WWOX: variants seen among roughly 807,000 people sequenced by gnomAD.
The protein encoded by WWOX is WW domain-containing oxidoreductase.
WWOX carries 69 observed loss-of-function variants against 46.2 expected under a neutral mutation model. The observed-to-expected ratio is 1.49, with a 90% CI of 1.23 to 1.82. The LOEUF (loss-of-function observed/expected upper bound fraction) is 1.82. Ranked by LOEUF, WWOX falls within the 40% of genes most tolerant of loss-of-function variation. The pLI is 0.00. For missense variants in WWOX, 919 were observed against 542.6 expected (o/e 1.69, Z -6.89); for synonymous variants, 359 against 202.6 (o/e 1.77, Z -6.56).
intron 8 of WWOX, among the ~76,000 whole-genome samples, chr16:78,632,758 A>T (rs191686748): frequency 7.3e-5 from 11 of 151,376 alleles, no homozygotes; most frequent in African/African-American, 2.4e-4. Flanking sequence ...GGATTTCTCC[A>T]TGTTGGTCAG....
intron 8 of WWOX, among the ~76,000 whole-genome samples, chr16:78,719,977 A>T (rs2048653114): frequency 6.6e-6 from 1 of 152,204 alleles, no homozygotes; most frequent in Non-Finnish European, 1.5e-5. Context: ...ATTCAATTTA[A>T]AGTGGAAGGT....
At chr16:78,707,154 G>C (rs928135176) in intron 8 of WWOX, among the ~76,000 whole-genome samples, 2 of 152,166 alleles carry the variant, frequency 1.3e-5, no homozygotes, top group African/African-American at 4.8e-5. Context: ...AATAATCTTA[G>C]TGTTAAAGGG....
chr16:79,099,712 C>A (rs1204616375), intron 8 of WWOX, among the ~76,000 whole-genome samples: 1 of 152,026 alleles, frequency 6.6e-6, no homozygotes, highest in African/African-American at 2.4e-5. Context: ...CCGAAAATAA[C>A]ATGAACTTTT....
At chr16:78,702,046 AAAT>A (rs2048232613) in intron 8 of WWOX, among the ~76,000 whole-genome samples, 11 of 91,412 alleles carry the variant, frequency 1.2e-4, no homozygotes, top group African/African-American at 5.2e-4. Context: ...TATATATATA[AAAT>A]AATGCAGAAG....
chr16:78,479,337 C>G (rs544874344), intron 8 of WWOX, among the ~76,000 whole-genome samples: 4 of 152,146 alleles, frequency 2.6e-5, no homozygotes, highest in Non-Finnish European at 5.9e-5. Context: ...AAAACATATG[C>G]AAATAATTTT....
chr16:78,439,849 C>T (rs1331131604), intron 8 of WWOX, among the ~76,000 whole-genome samples: 3 of 152,182 alleles, frequency 2.0e-5, no homozygotes, highest in Non-Finnish European at 2.9e-5. Context: ...AAGATGGCTT[C>T]TGTGGTGCCA....
chr16:78,316,267 C>T (rs1032251622), intron 5 of WWOX, among the ~76,000 whole-genome samples: 2 of 152,118 alleles, frequency 1.3e-5, no homozygotes, highest in African/African-American at 4.8e-5. Context: ...CAGCAAACAG[C>T]ATCCACATGT....
intron 5 of WWOX, among the ~76,000 whole-genome samples, chr16:78,178,507 G>A (rs561910206): frequency 6.6e-6 from 1 of 152,282 alleles, no homozygotes; most frequent in East Asian, 1.9e-4. Context: ...CACTTTAGGA[G>A]TAGGAATACA....
chr16:78,516,864 C>G (rs17706689), intron 8 of WWOX, among the ~76,000 whole-genome samples: 8,878 of 152,214 alleles, frequency 0.058, 320 homozygotes, highest in East Asian at 0.16. Context: ...CTGTGTGATT[C>G]TGTCTGCAGT....
chr16:78,874,046 G>A (rs967736871), intron 8 of WWOX, among the ~76,000 whole-genome samples: 2 of 151,846 alleles, frequency 1.3e-5, no homozygotes, highest in East Asian at 3.9e-4. Context: ...CGGATCACAA[G>A]GTCAGGAGTT....
chr16:78,170,190 C>G (rs562858322), intron 5 of WWOX, among the ~76,000 whole-genome samples: 1 of 152,310 alleles, frequency 6.6e-6, no homozygotes, highest in South Asian at 2.1e-4. Flanking sequence ...GTCCCCAGTT[C>G]ATAACCACGG....
intron 8 of WWOX, among the ~76,000 whole-genome samples, chr16:79,190,671 A>G (rs2051117373): frequency 6.6e-6 from 1 of 152,246 alleles, no homozygotes; most frequent in South Asian, 2.1e-4. Flanking sequence ...GGCATTAGGT[A>G]GAAGAGGGCT....
chr16:78,431,316 A>G (rs774493517), intron 7 of WWOX, among the ~76,000 whole-genome samples: 8 of 152,222 alleles, frequency 5.3e-5, no homozygotes, highest in Non-Finnish European at 1.2e-4. Context: ...TTTTAAACGT[A>G]TAAGACTATT....
At chr16:79,005,280 C>G (rs533221081) in intron 8 of WWOX, among the ~76,000 whole-genome samples, 43 of 152,268 alleles carry the variant, frequency 2.8e-4, no homozygotes, top group African/African-American at 1.0e-3. Context: ...TCCAAGGTTC[C>G]TTGATGACCC....
chr16:78,847,952 C>G (rs991314445), intron 8 of WWOX, among the ~76,000 whole-genome samples: 2 of 152,134 alleles, frequency 1.3e-5, no homozygotes, highest in African/African-American at 4.8e-5. Context: ...CAACCCTGAG[C>G]TGACCTGCTG....
intron 8 of WWOX, among the ~76,000 whole-genome samples, chr16:79,011,390 G>C (rs7189730): frequency 2.0e-5 from 3 of 151,566 alleles, no homozygotes; most frequent in Admixed American, 2.0e-4. Flanking sequence ...GTTGGTGTTC[G>C]ATCTGGAATC....
chr16:78,419,707 G>A (rs1297216639), intron 6 of WWOX, among the ~76,000 whole-genome samples: 2 of 149,198 alleles, frequency 1.3e-5, no homozygotes, highest in Non-Finnish European at 3.0e-5. Flanking sequence ...AGCAAACATA[G>A]GGGTATATTT....
intron 6 of WWOX, among the ~76,000 whole-genome samples, chr16:78,420,864 A>C (rs1034469418): frequency 2.0e-5 from 3 of 152,112 alleles, no homozygotes; most frequent in Non-Finnish European, 1.5e-5. Flanking sequence ...AGGAAATAGG[A>C]AAAAAAGTAA....
At chr16:78,954,331 G>T in intron 8 of WWOX, among the ~76,000 whole-genome samples, 1 of 152,078 alleles carries the variant, frequency 6.6e-6, no homozygotes, top group Non-Finnish European at 1.5e-5. Flanking sequence ...TGGATGGAGG[G>T]ATGGATGGTT....
Sources: allele counts gnomAD v4.1 joint callset (sites outside exome capture counted in the v4.1 genomes callset), GRCh38; gene constraint gnomAD v4.1.1; transcripts MANE v1.5; gene names NCBI Gene and HGNC (gene_info 2026-07-23, HGNC 2026-07-21).